The following PTPRM variants were observed in gnomAD, a reference collection of about 807,000 sequenced individuals.
PTPRM encodes receptor-type tyrosine-protein phosphatase mu.
A neutral mutation model predicts 186.7 loss-of-function variants in PTPRM; 47 were observed. The ratio of observed to expected loss-of-function variants is 0.25; its 90% CI spans 0.20 to 0.32. The LOEUF is 0.32. PTPRM is among the 10% of genes least tolerant of loss of function. The probability of loss-of-function intolerance (pLI) is 1.00; values close to 1 mark genes in which losing one functional copy is unlikely to be tolerated. For synonymous variants in PTPRM, 668 were observed against 674.9 expected (o/e 0.99, Z 0.16); for missense variants, 1,494 against 1,865.0 (o/e 0.80, Z 3.66).
chr18:8,316,516 G>A (rs2095310011), intron 21 of PTPRM, among the ~76,000 whole-genome samples: 1 of 152,108 alleles, frequency 6.6e-6, no homozygotes, highest in South Asian at 2.1e-4. Flanking sequence ...TAAGAGAGAA[G>A]AGCCAATACT....
chr18:8,247,635 A>G (rs2094489830), intron 15 of PTPRM, among the ~76,000 whole-genome samples: 1 of 152,194 alleles, frequency 6.6e-6, no homozygotes, highest in Non-Finnish European at 1.5e-5. Context: ...GGGTAAGAAA[A>G]GTCTTTAAGT....
intron 7 of PTPRM, among the ~76,000 whole-genome samples, chr18:8,048,829 C>A (rs1176981913): frequency 2.0e-5 from 3 of 152,122 alleles, no homozygotes; most frequent in African/African-American, 7.2e-5. Flanking sequence ...TACATTTGGG[C>A]AAAACTGAAA....
intron 7 of PTPRM, among the ~76,000 whole-genome samples, chr18:8,046,255 C>T (rs1214203023): frequency 6.6e-6 from 1 of 152,132 alleles, no homozygotes; most frequent in East Asian, 1.9e-4. Context: ...ATAAATTATC[C>T]AGTCTCAGGT....
intron 7 of PTPRM, among the ~76,000 whole-genome samples, chr18:7,994,376 T>G (rs1238133310): frequency 3.3e-5 from 5 of 151,916 alleles, no homozygotes; most frequent in African/African-American, 4.8e-5. Flanking sequence ...CAATAACAGA[T>G]GGGGACTTCA....
chr18:7,594,218 G>T (rs1436698214), intron 1 of PTPRM, among the ~76,000 whole-genome samples: 4 of 152,148 alleles, frequency 2.6e-5, no homozygotes, highest in African/African-American at 7.2e-5. Context: ...AATTGTCCAG[G>T]CGTGGTGGCT....
intron 1 of PTPRM, among the ~76,000 whole-genome samples, chr18:7,655,870 TC>T (rs1195130334): frequency 1.3e-5 from 2 of 152,146 alleles, no homozygotes; most frequent in Non-Finnish European, 2.9e-5. Flanking sequence ...ATAAGTATTG[TC>T]TCACATCCAT....
chr18:8,319,264 C>T, intron 22 of PTPRM, 50 bp downstream of exon 22: 1 of 1,394,384 alleles, frequency 7.2e-7, no homozygotes. Context: ...TTGCCCACTT[C>T]CTATCATTTT....
intron 17 of PTPRM, 110 bp downstream of exon 17, chr18:8,248,286 C>A: frequency 2.8e-6 from 3 of 1,071,114 alleles, no homozygotes; most frequent in South Asian, 2.5e-5. Context: ...TGATTATAAG[C>A]ACGACATGTG....
intron 23 of PTPRM, among the ~76,000 whole-genome samples, chr18:8,344,472 A>G (rs192664472): frequency 2.0e-5 from 3 of 146,894 alleles, no homozygotes; most frequent in African/African-American, 5.2e-5. Flanking sequence ...ATATATATAT[A>G]TATCTAGCAA....
intron 7 of PTPRM, among the ~76,000 whole-genome samples, chr18:8,010,344 C>T (rs1474356391): frequency 6.6e-6 from 1 of 152,162 alleles, no homozygotes; most frequent in Non-Finnish European, 1.5e-5. Context: ...AAAGTATCTT[C>T]TTTGTCCAGA....
chr18:8,126,030 T>TTTTTA (rs1281411684), intron 13 of PTPRM, among the ~76,000 whole-genome samples: 1 of 118,598 alleles, frequency 8.4e-6, no homozygotes, highest in African/African-American at 3.3e-5. Context: ...TATATATATT[T>TTTTTA]TAAATCAGTA....
chr18:7,634,231 G>T lies in PTPRM; in HGVS notation c.73+66340G>T, dbSNP rs368432521. On this transcript the variant is annotated intron_variant, in intron 1 of 32. Transcript: ENST00000580170. ...AGAATGTTCATTCCATAAAGAACAG[G>T]ATTTTTTTTTTCCCATTTTGTTCAC... Among the ~76,000 whole-genome samples the T allele has an allele frequency of 5.3e-5, 8 of 152,140 alleles. No individual in the cohort carries two copies. The South Asian group carries it at 1.7e-3, about 32-fold the overall frequency.
chr18:8,384,794 G>T, intron 30 of PTPRM, 108 bp downstream of exon 30: 2 of 1,421,574 alleles, frequency 1.4e-6, no homozygotes, highest in Non-Finnish European at 1.9e-6. Context: ...GGAGTTTGGA[G>T]TATGTCAGTG....
chr18:7,754,178 A>G (rs2041356476), intron 1 of PTPRM, among the ~76,000 whole-genome samples: 1 of 152,028 alleles, frequency 6.6e-6, no homozygotes, highest in Admixed American at 6.6e-5. Flanking sequence ...TTGGTTTTCT[A>G]TTTCTTCTTT....
chr18:7,788,119 A>G (rs1230847807), intron 2 of PTPRM, among the ~76,000 whole-genome samples: 1 of 152,184 alleles, frequency 6.6e-6, no homozygotes, highest in East Asian at 1.9e-4. Context: ...AGGCTCAGAG[A>G]AGTTGAGAAG....
intron 1 of PTPRM, among the ~76,000 whole-genome samples, chr18:7,664,558 G>A (rs1190401079): frequency 3.9e-5 from 6 of 152,114 alleles, no homozygotes; most frequent in Admixed American, 2.0e-4. Flanking sequence ...CCCAGGTCTT[G>A]GGAGGATAGA....
intron 19 of PTPRM, among the ~76,000 whole-genome samples, chr18:8,295,758 C>T (rs781475498): frequency 1.3e-5 from 2 of 151,888 alleles, no homozygotes; most frequent in Non-Finnish European, 2.9e-5. Context: ...TTCATTACAA[C>T]TTGAACAAAA....
At chr18:7,946,885 G>A (rs2052561595) in intron 5 of PTPRM, 1 of 455,124 alleles carries the variant, frequency 2.2e-6, no homozygotes, top group Non-Finnish European at 4.4e-6. Context: ...CACTGCCCAA[G>A]CTGAAGCTGC....
intron 7 of PTPRM, among the ~76,000 whole-genome samples, chr18:7,997,912 T>C (rs2083637730): frequency 6.6e-6 from 1 of 152,170 alleles, no homozygotes; most frequent in Non-Finnish European, 1.5e-5. Context: ...AGGAGAACTC[T>C]CATGTCAATG....
Sources: gnomAD v4.1 joint callset for allele counts (sites outside exome capture counted in the v4.1 genomes callset) on GRCh38, gnomAD v4.1.1 for gene constraint, MANE v1.5 for transcripts, NCBI Gene and HGNC (gene_info 2026-07-23, HGNC 2026-07-21) for gene names.